DOCK4: variants seen among roughly 807,000 people sequenced by gnomAD.
DOCK4 encodes the protein dedicator of cytokinesis protein 4.
A neutral mutation model predicts 268.1 loss-of-function variants in DOCK4; 97 were observed. The observed-to-expected ratio is 0.36, with a 90% confidence interval of 0.31 to 0.43. The LOEUF (loss-of-function observed/expected upper bound fraction) is 0.43, where lower values mean the gene tolerates loss of function less well. DOCK4 is among the 20% of genes least tolerant of loss of function. The pLI is 1.00. For missense variants in DOCK4, 2,145 were observed against 2,455.7 expected (o/e 0.87, Z 2.67); for synonymous variants, 954 against 887.2 (o/e 1.08, Z -1.34).
intron 30 of DOCK4, among the ~76,000 whole-genome samples, chr7:111,805,312 C>T (rs1179143662): frequency 6.6e-6 from 1 of 152,136 alleles, no homozygotes; most frequent in African/African-American, 2.4e-5. Context: ...AGTTAGAACT[C>T]GCTTCCTCCA....
intron 13 of DOCK4, among the ~76,000 whole-genome samples, chr7:111,910,302 C>T (rs1791987191): frequency 6.6e-6 from 1 of 152,216 alleles, no homozygotes; most frequent in African/African-American, 2.4e-5. Context: ...AAACTTGGAT[C>T]TCCCTGATGC....
intron 1 of DOCK4, among the ~76,000 whole-genome samples, chr7:112,034,730 T>A (rs1248783460): frequency 6.6e-6 from 1 of 152,126 alleles, no homozygotes; most frequent in Non-Finnish European, 1.5e-5. Context: ...TGAAACCCCA[T>A]CCCTACTAAA....
chr7:111,872,135 G>A, intron 19 of DOCK4, 45 bp from the exon 20 acceptor site: 2 of 1,465,852 alleles, frequency 1.4e-6, no homozygotes, highest in Non-Finnish European at 1.8e-6. Context: ...TGCAAATCAA[G>A]GTTTTCCTTT....
intron 12 of DOCK4, among the ~76,000 whole-genome samples, chr7:111,928,591 T>C (rs149018334): frequency 8.2e-4 from 94 of 114,216 alleles, no homozygotes; most frequent in South Asian, 2.0e-3. Flanking sequence ...TTTTTCTTTT[T>C]TTTTTTTTTT....
At chr7:111,977,936 G>A (rs779233995) in intron 7 of DOCK4, among the ~76,000 whole-genome samples, 4 of 152,116 alleles carry the variant, frequency 2.6e-5, no homozygotes, top group Non-Finnish European at 5.9e-5. Context: ...CCTCAATACA[G>A]CCAGTCCAGG....
At chr7:111,871,667 G>A (rs1213605147) in intron 20 of DOCK4, among the ~76,000 whole-genome samples, 1 of 152,208 alleles carries the variant, frequency 6.6e-6, no homozygotes, top group Non-Finnish European at 1.5e-5. Context: ...GTACAGTGAT[G>A]AAGTGGGACT....
At chr7:111,872,946 C>T (rs1337859551) in intron 17 of DOCK4, among the ~76,000 whole-genome samples, 1 of 152,190 alleles carries the variant, frequency 6.6e-6, no homozygotes, top group African/African-American at 2.4e-5. Context: ...TTTCTGCCTC[C>T]TCCTGGAAAG....
chr7:111,905,208 T>A (rs533933990), intron 13 of DOCK4, among the ~76,000 whole-genome samples: 4 of 152,218 alleles, frequency 2.6e-5, no homozygotes, highest in African/African-American at 9.6e-5. Flanking sequence ...TGAGTCCAAA[T>A]GGTGTTCAGA....
In DOCK4 at chr7:111,735,153, G is replaced by T. The variant is rs2133389242; in HGVS notation, c.5320C>A (p.Pro1774Thr). The T allele has an allele frequency of 6.3e-7, 1 of 1,589,696 alleles. No homozygotes were observed. The highest frequency in any genetic ancestry group is 8.6e-7 in the Non-Finnish European group (1 of 1,167,456). Residue 1774 changes from proline to threonine, a missense_variant, in exon 51 of 53, where the codon CCT becomes ACT. Pro to Thr is a conservative substitution (Grantham distance 38, BLOSUM62 -1). Around this residue, in one of 2 missense-constraint regions of DOCK4, gnomAD observed 547 missense variants for 469.0 expected, o/e 1.17. Coordinates refer to ENST00000428084, the MANE Select transcript of DOCK4 (RefSeq NM_001363540.2). ...CCACTGTCCAGGCTCCAGCTGCTAG[G>T]GGTGGGGTTCACAGCTGGAAGGGAA... ...SAPEKAVNPT[P>T]SSWSLDSGKE...
chr7:112,022,943 G>A (rs914332629), intron 1 of DOCK4, among the ~76,000 whole-genome samples: 1 of 152,064 alleles, frequency 6.6e-6, no homozygotes, highest in Non-Finnish European at 1.5e-5. Flanking sequence ...TTGAGATGGA[G>A]TCTCACTCTG....
chr7:112,049,171 T>C (rs986828813), intron 1 of DOCK4, among the ~76,000 whole-genome samples: 3 of 152,212 alleles, frequency 2.0e-5, no homozygotes, highest in African/African-American at 2.4e-5. Flanking sequence ...TAAAAGTCAA[T>C]TGACTGTTCT....
intron 20 of DOCK4, 86 bp from the exon 21 acceptor site, chr7:111,869,741 T>C (rs1417136130): frequency 1.8e-6 from 2 of 1,116,290 alleles, no homozygotes; most frequent in Non-Finnish European, 2.7e-6. Flanking sequence ...AACTATATCA[T>C]GAGGAGGTTT....
intron 29 of DOCK4, 136 bp from the exon 30 acceptor site, chr7:111,809,015 C>T: frequency 1.1e-6 from 1 of 941,858 alleles, no homozygotes; most frequent in African/African-American, 1.7e-5. Flanking sequence ...ATATACATGT[C>T]ACGATGCCTC....
At chr7:111,759,652 T>C (rs558718291) in intron 40 of DOCK4, among the ~76,000 whole-genome samples, 153 of 152,162 alleles carry the variant, frequency 1.0e-3, no homozygotes, top group African/African-American at 3.5e-3. Context: ...GCTCAGTTGT[T>C]TGTGTTTAGA....
At position 111,998,307 on chromosome 7, in the gene DOCK4, A is replaced by T. The variant is rs368866382; in HGVS notation, c.218+141T>A. ...TTTCTCCACCAACGGTCTTAATGCAATATATCTTTAACAAAGAACACAGAC... is the reference window on the plus strand; with the variant it reads ...TTTCTCCACCAACGGTCTTAATGCATTATATCTTTAACAAAGAACACAGAC... On this transcript the variant is annotated intron_variant, in intron 4 of 52. Transcript: ENST00000428084. 21 of 648,894 alleles carry T rather than the reference A, an allele frequency of 3.2e-5. No homozygotes were observed. In the East Asian group the frequency reaches 6.0e-4, roughly 18 times the overall value. The allele number at this position is 648,894 out of a possible 1,614,324, so 40.2% of individuals were successfully genotyped here.
intron 27 of DOCK4, chr7:111,820,763 C>A (rs1355565136): frequency 6.6e-6 from 1 of 152,156 alleles, no homozygotes; most frequent in African/African-American, 2.4e-5. Flanking sequence ...CCAAAATATT[C>A]CTCTGCACAT....
At chr7:111,729,135 G>A (rs1241986032) in intron 52 of DOCK4, among the ~76,000 whole-genome samples, 1 of 152,298 alleles carries the variant, frequency 6.6e-6, no homozygotes, top group Admixed American at 6.5e-5. Flanking sequence ...CCGAGCAGAC[G>A]AATACACTCA....
chr7:112,196,477 CCTTT>C (rs1472198827), intron 1 of DOCK4, among the ~76,000 whole-genome samples: 1 of 152,152 alleles, frequency 6.6e-6, no homozygotes, highest in Non-Finnish European at 1.5e-5. Context: ...TCTATAGACC[CCTTT>C]CCACCCACCT....
intron 6 of DOCK4, among the ~76,000 whole-genome samples, chr7:111,986,823 ACAT>A (rs1284000133): frequency 1.3e-5 from 2 of 152,210 alleles, no homozygotes; most frequent in Non-Finnish European, 2.9e-5. Context: ...TAAGCTTCCC[ACAT>A]CAAGAGGGCT....
Sources: gnomAD v4.1 joint callset for allele counts (sites outside exome capture counted in the v4.1 genomes callset) on GRCh38, gnomAD v4.1.1 for gene constraint, gnomAD v4.1.1 regional missense constraint, MANE v1.5 for transcripts, NCBI Gene and HGNC (gene_info 2026-07-23, HGNC 2026-07-21) for gene names.